The following SERAC1 variants were observed in gnomAD, a reference collection of about 807,000 sequenced individuals.
The protein encoded by SERAC1 is serine active site containing 1, also known as protein SERAC1.
In SERAC1, 36 loss-of-function variants were observed where a neutral mutation model predicts 85.7. That is an observed-to-expected ratio of 0.42 (90% CI 0.32 to 0.55). The LOEUF is 0.55. Ranked by LOEUF, SERAC1 falls within the 20% of genes least tolerant of loss-of-function variation. The pLI is 0.11. For missense variants in SERAC1, 629 were observed against 796.2 expected, an observed-to-expected ratio of 0.79 and a Z score of 2.53; for synonymous variants, 242 against 265.3, an observed-to-expected ratio of 0.91 and a Z score of 0.85.
intron 8 of SERAC1, 44 bp downstream of exon 8, chr6:158,143,012 G>A (rs760034114): frequency 6.7e-7 from 1 of 1,490,742 alleles, no homozygotes; most frequent in East Asian, 2.3e-5. Flanking sequence ...CATTGGAAAG[G>A]GTGGACACTC....
chr6:158,116,465 T>C, intron 13 of SERAC1, 183 bp from the exon 14 acceptor site: 1 of 545,110 alleles, frequency 1.8e-6, no homozygotes, highest in South Asian at 2.2e-5. Context: ...ATTGAACTCC[T>C]GGCCCCAAGG....
intron 6 of SERAC1, 97 bp downstream of exon 6, chr6:158,146,685 C>T (rs1482712851): frequency 1.3e-6 from 2 of 1,484,170 alleles, no homozygotes; most frequent in Non-Finnish European, 1.8e-6. Context: ...GCTGGGATTA[C>T]AGGCGTGAGC....
At chr6:158,153,049 C>A (rs1741727109) in intron 3 of SERAC1, among the ~76,000 whole-genome samples, 1 of 152,140 alleles carries the variant, frequency 6.6e-6, no homozygotes, top group African/African-American at 2.4e-5. Flanking sequence ...ACCCCAGAAA[C>A]CCACAATGTG....
chr6:158,113,664 A>T, intron 15 of SERAC1, 72 bp from the exon 16 acceptor site: 1 of 1,306,390 alleles, frequency 7.7e-7, no homozygotes, highest in Non-Finnish European at 1.1e-6. Flanking sequence ...TTAATCTTTC[A>T]AATTTAGAGA....
intron 13 of SERAC1, chr6:158,116,489 C>CG (rs1784293915): frequency 1.9e-6 from 1 of 519,532 alleles, no homozygotes; most frequent in Admixed American, 3.2e-5. Flanking sequence ...CCTCCCACCT[C>CG]GGCCTCCCAA....
At chr6:158,115,999 A>G (rs1784278699) in intron 14 of SERAC1, among the ~76,000 whole-genome samples, 186 bp downstream of exon 14, 1 of 152,236 alleles carries the variant, frequency 6.6e-6, no homozygotes, top group Non-Finnish European at 1.5e-5. Flanking sequence ...TTTCTAGAGA[A>G]AGGAACAGCA....
chr6:158,115,675 C>T (rs1784270322), intron 14 of SERAC1, among the ~76,000 whole-genome samples: 1 of 152,080 alleles, frequency 6.6e-6, no homozygotes, highest in Non-Finnish European at 1.5e-5. Flanking sequence ...CAGGGGAGGC[C>T]ATTCCATAAG....
At chr6:158,159,504 C>CAA (rs71027385) in intron 1 of SERAC1, among the ~76,000 whole-genome samples, 311 of 108,388 alleles carry the variant, frequency 2.9e-3, no homozygotes, top group African/African-American at 9.1e-3. Context: ...GACCCGGTTT[C>CAA]AAAAAAAAAA....
intron 3 of SERAC1, among the ~76,000 whole-genome samples, chr6:158,154,954 G>A (rs1785292636): frequency 6.6e-6 from 1 of 151,708 alleles, no homozygotes; most frequent in African/African-American, 2.4e-5. Context: ...CCTGATTTAA[G>A]TGCGCCGGAG....
intron 10 of SERAC1, among the ~76,000 whole-genome samples, chr6:158,124,582 T>C (rs185251164): frequency 1.3e-5 from 2 of 152,128 alleles, no homozygotes; most frequent in South Asian, 2.1e-4. Context: ...AGGATAAATA[T>C]GACACCTAGG....
At chr6:158,118,632 A>T (rs1277373873) in intron 12 of SERAC1, among the ~76,000 whole-genome samples, 19 of 151,460 alleles carry the variant, frequency 1.3e-4, no homozygotes, top group Admixed American at 1.2e-3. Flanking sequence ...AAAAAAAAAA[A>T]AAAAGAAGGA....
intron 4 of SERAC1, 60 bp downstream of exon 4, chr6:158,150,393 T>G: frequency 7.3e-7 from 1 of 1,370,282 alleles, no homozygotes; most frequent in South Asian, 1.2e-5. Context: ...AATAGACGCA[T>G]TTTTAAATGC....
At chr6:158,126,295 C>T (rs1018682154) in intron 10 of SERAC1, among the ~76,000 whole-genome samples, 3 of 152,150 alleles carry the variant, frequency 2.0e-5, no homozygotes, top group Non-Finnish European at 2.9e-5. Context: ...CCTAAAATAT[C>T]TTGTTATACC....
At chr6:158,133,424 C>T (rs1253668084) in intron 8 of SERAC1, among the ~76,000 whole-genome samples, 4 of 125,172 alleles carry the variant, frequency 3.2e-5, no homozygotes, top group African/African-American at 1.2e-4. Context: ...CTCTCTCTGT[C>T]GCCCAGGCTG....
chr6:158,131,460 T>C (rs1364676637), intron 8 of SERAC1, among the ~76,000 whole-genome samples: 1 of 115,390 alleles, frequency 8.7e-6, no homozygotes. Flanking sequence ...ATTCATTATA[T>C]ATAAAATACA....
intron 3 of SERAC1, among the ~76,000 whole-genome samples, chr6:158,154,907 G>A (rs1466117028): frequency 6.6e-6 from 1 of 151,664 alleles, no homozygotes; most frequent in African/African-American, 2.4e-5. Flanking sequence ...GGAGCTGAGT[G>A]AGTGCCTGAT....
At chr6:158,154,837 CTGAG>C (rs1254451038) in intron 3 of SERAC1, among the ~76,000 whole-genome samples, 4 of 152,164 alleles carry the variant, frequency 2.6e-5, no homozygotes, top group South Asian at 4.1e-4. Context: ...TGTGTCAGAG[CTGAG>C]TGAGTGCCCG....
chr6:158,164,501 G>A (rs76997327), intron 1 of SERAC1, among the ~76,000 whole-genome samples: 3,886 of 151,862 alleles, frequency 0.026, 173 homozygotes, highest in African/African-American at 0.089. Context: ...ATATTATGAC[G>A]GTGATTACAT....
At chr6:158,145,023 C>A (rs1369949860) in intron 6 of SERAC1, among the ~76,000 whole-genome samples, 1 of 152,148 alleles carries the variant, frequency 6.6e-6, no homozygotes, top group Non-Finnish European at 1.5e-5. Context: ...GCGGGCGGAT[C>A]ATTTGAGGTC....
Sources: gnomAD v4.1 joint callset for allele counts (sites outside exome capture counted in the v4.1 genomes callset) on GRCh38, gnomAD v4.1.1 for gene constraint, MANE v1.5 for transcripts, NCBI Gene and HGNC (gene_info 2026-07-23, HGNC 2026-07-21) for gene names.